ZNF724: variants seen among roughly 807,000 people sequenced by gnomAD.
The protein encoded by ZNF724 is zinc finger protein 724 pseudogene.
A neutral mutation model predicts 29.3 loss-of-function variants in ZNF724; 14 were observed. The observed-to-expected ratio is 0.48, with a 90% CI of 0.32 to 0.75. The LOEUF (loss-of-function observed/expected upper bound fraction) is 0.75, where lower values mean the gene tolerates loss of function less well. ZNF724 is among the 30% of genes least tolerant of loss of function. ZNF724 has a pLI of 0.04. For missense variants in ZNF724, 557 were observed against 571.2 expected (o/e 0.98, Z 0.25); for synonymous variants, 180 against 193.6 (o/e 0.93, Z 0.58).
At chr19:23,228,227 G>T (rs1389466351) in intron 3 of ZNF724, among the ~76,000 whole-genome samples, 1 of 151,838 alleles carries the variant, frequency 6.6e-6, no homozygotes, top group Non-Finnish European at 1.5e-5. Context: ...AGACAGGTGG[G>T]TCACCTGAGG....
Position 23,231,266 on chromosome 19 carries a change from C to G in ZNF724, c.226G>C (p.Gly76Arg), listed in dbSNP as rs758594808. The change falls in exon 3 of 4, where the codon GGT becomes CGT. Residue 76 changes from glycine to arginine, a missense_variant and splice_region_variant. By Grantham distance (125) the Gly-to-Arg change is moderately radical. Transcript: ENST00000418100. The stretch of plus-strand genomic sequence containing the variant: ...ATCTGTCATATTCACTCTCACCTAC[C>G]TGGGGGTTTGGCCACCATCTCATGT... ...ERHEMVAKPPGMCCYFAQDLR... is the reference protein window; with the variant it reads ...ERHEMVAKPPRMCCYFAQDLR... 7.5e-7 allele frequency: 1 copy of G among 1,339,542 alleles called. No homozygotes were observed. The highest frequency in any genetic ancestry group is 1.8e-5 in the Admixed American group (1 of 55,476). The allele number at this position is 1,339,542 out of a possible 1,614,324, so 83.0% of individuals were successfully genotyped here.
chr19:23,250,319 C>A lies in ZNF724; in HGVS notation c.-77G>T, dbSNP rs1007048064. 1.1e-5 allele frequency: 6 copies of A among 560,948 alleles called. No homozygotes were observed. The highest frequency in any genetic ancestry group is 2.0e-5 in the Admixed American group (1 of 51,172). The allele number at this position is 560,948 out of a possible 1,614,324, so 34.7% of individuals were successfully genotyped here. Reference sequence around the variant, plus strand: ...CTTGCAGGTCAGAGGGCCACAGAGGCTGGGCCTCTAAGAGCAGGGGACACA... The same window carrying A: ...CTTGCAGGTCAGAGGGCCACAGAGGATGGGCCTCTAAGAGCAGGGGACACA... On this transcript the variant is annotated 5_prime_UTR_variant, in exon 1 of 4. Coordinates refer to ENST00000418100, the MANE Select transcript of ZNF724 (RefSeq NM_001355404.2).
chr19:23,238,681 G>A (rs570094668), intron 1 of ZNF724, among the ~76,000 whole-genome samples: 2 of 152,178 alleles, frequency 1.3e-5, no homozygotes, highest in Non-Finnish European at 2.9e-5. Flanking sequence ...CTACGAGGCC[G>A]AGGTGGTTAG....
chr19:23,228,450 G>A (rs1393537794), intron 3 of ZNF724, among the ~76,000 whole-genome samples: 5 of 138,418 alleles, frequency 3.6e-5, no homozygotes, highest in African/African-American at 8.0e-5. Context: ...ATGAGACTTC[G>A]TCTCAAAAAA....
intron 1 of ZNF724, among the ~76,000 whole-genome samples, chr19:23,248,215 G>T (rs1446280390): frequency 6.6e-6 from 1 of 152,090 alleles, no homozygotes; most frequent in Non-Finnish European, 1.5e-5. Context: ...TTTTTAAAAT[G>T]TTTTCAATGT....
rs1971728014 is a variant in ZNF724 at position 23,222,197 on chromosome 19, A to G, written c.*188T>C. 1.1e-5 allele frequency: 6 copies of G among 524,210 alleles called. No homozygotes were observed. Among genetic ancestry groups the G allele is most frequent in the South Asian group, 1.1e-4 (4 of 36,214 alleles). The allele number at this position is 524,210 out of a possible 1,614,324, so 32.5% of individuals were successfully genotyped here. A position where few individuals can be genotyped will look rare whatever the true frequency, so the allele number is the denominator to read the frequency against. ...TACAATCAAGTATGACAACCATTTA[A>G]AGGTGTTTAGAAATATTGAGGTGTT... is the stretch of plus-strand genomic sequence containing the variant. On this transcript the variant is annotated 3_prime_UTR_variant, in exon 4 of 4. Transcript: ENST00000418100.
At chr19:23,243,475 C>CAAAAAAAAAAAAAAAAAAA (rs61241201) in intron 1 of ZNF724, among the ~76,000 whole-genome samples, 2 of 31,206 alleles carry the variant, frequency 6.4e-5, no homozygotes, top group African/African-American at 3.1e-4. Context: ...GAGTCCATCT[C>CAAAAAAAAAAAAAAAAAAA]AAAAAAAAAA....
rs192135226 is a variant in ZNF724, at chr19:23,228,186, A to T, written c.226+3080T>A. Among the ~76,000 whole-genome samples, 15 of 152,284 alleles carry T rather than the reference A, an allele frequency of 9.9e-5. No homozygotes were observed. The East Asian group carries it at 2.9e-3, about 29-fold the overall frequency. On this transcript the variant is annotated intron_variant, in intron 3 of 3. Coordinates refer to ENST00000418100, the MANE Select transcript of ZNF724 (RefSeq NM_001355404.2). The stretch of plus-strand genomic sequence containing the variant: ...CTTTAAAGGCCGAGTGTGGTGGCTC[A>T]CGCCTGTAATTCCAGCACTTTGGGA...
chr19:23,237,976 T>A (rs934237515), intron 1 of ZNF724, among the ~76,000 whole-genome samples: 2 of 152,204 alleles, frequency 1.3e-5, no homozygotes, highest in African/African-American at 4.8e-5. Context: ...GTCTTTATCA[T>A]TCTGTATTGC....
At chr19:23,225,996 C>T (rs113336613) in intron 3 of ZNF724, among the ~76,000 whole-genome samples, 8 of 151,412 alleles carry the variant, frequency 5.3e-5, no homozygotes, top group South Asian at 2.1e-4. Context: ...GGACCACAGG[C>T]GCACCCCACC....
chr19:23,233,600 T>TA (rs1226304482), intron 1 of ZNF724, among the ~76,000 whole-genome samples: 1 of 152,118 alleles, frequency 6.6e-6, no homozygotes, highest in East Asian at 1.9e-4. Flanking sequence ...AGCCAAAATG[T>TA]AAAAAATTTA....
At chr19:23,228,576 G>A (rs566997412) in intron 3 of ZNF724, among the ~76,000 whole-genome samples, 4 of 151,826 alleles carry the variant, frequency 2.6e-5, no homozygotes, top group Non-Finnish European at 5.9e-5. Context: ...CCAACATGGC[G>A]AAACCCTGTC....
At chr19:23,239,551 T>C (rs538571912) in intron 1 of ZNF724, among the ~76,000 whole-genome samples, 39 of 152,234 alleles carry the variant, frequency 2.6e-4, no homozygotes, top group African/African-American at 8.9e-4. Flanking sequence ...CAAACCAGAA[T>C]CGCTACAACA....
intron 1 of ZNF724, among the ~76,000 whole-genome samples, chr19:23,238,950 T>C (rs1023616549): frequency 6.6e-6 from 1 of 152,170 alleles, no homozygotes; most frequent in Admixed American, 6.5e-5. Flanking sequence ...TCTTGATCTC[T>C]TGGACATCTG....
intron 1 of ZNF724, 82 bp downstream of exon 1, chr19:23,250,158 G>A: frequency 5.4e-6 from 3 of 558,750 alleles, no homozygotes; most frequent in Admixed American, 3.8e-5. Context: ...CTGCGGGGAG[G>A]CCCGAGTCCG....
chr19:23,243,243 C>A (rs112019151), intron 1 of ZNF724, among the ~76,000 whole-genome samples: 2,434 of 151,670 alleles, frequency 0.016, 58 homozygotes, highest in African/African-American at 0.055. Context: ...CTTTTGGAGG[C>A]AAGGAGGGCA....
intron 1 of ZNF724, among the ~76,000 whole-genome samples, chr19:23,241,700 TA>T (rs1348205750): frequency 6.6e-6 from 1 of 152,142 alleles, no homozygotes; most frequent in Non-Finnish European, 1.5e-5. Flanking sequence ...TGTTCATGCA[TA>T]AAACCCTCAA....
At chr19:23,244,745 T>C (rs1972208197) in intron 1 of ZNF724, among the ~76,000 whole-genome samples, 1 of 152,272 alleles carries the variant, frequency 6.6e-6, no homozygotes, top group African/African-American at 2.4e-5. Flanking sequence ...CAAAATATTG[T>C]TCTTACTACA....
At chr19:23,239,027 AAG>A (rs1373764837) in intron 1 of ZNF724, among the ~76,000 whole-genome samples, 1 of 152,244 alleles carries the variant, frequency 6.6e-6, no homozygotes, top group Non-Finnish European at 1.5e-5. Context: ...AAAAAAGCAG[AAG>A]AGAGAAAGGT....
Sources: allele counts gnomAD v4.1 joint callset (sites outside exome capture counted in the v4.1 genomes callset), GRCh38; gene constraint gnomAD v4.1.1; transcripts MANE v1.5; gene names NCBI Gene and HGNC (gene_info 2026-07-23, HGNC 2026-07-21).